RIMS1: variants seen among roughly 807,000 people sequenced by gnomAD.
The protein encoded by RIMS1 is regulating synaptic membrane exocytosis protein 1.
A neutral mutation model predicts 214.1 loss-of-function variants in RIMS1; 83 were observed. The ratio of observed to expected loss-of-function variants is 0.39; its 90% CI spans 0.32 to 0.47. RIMS1 has a LOEUF of 0.47. RIMS1 is among the 20% of genes least tolerant of loss of function. The probability of loss-of-function intolerance (pLI) is 0.99; values close to 1 mark genes in which losing one functional copy is unlikely to be tolerated. For missense variants in RIMS1, 2,050 were observed against 2,161.8 expected (o/e 0.95, Z 1.03); for synonymous variants, 793 against 786.8 (o/e 1.01, Z -0.13).
intron 2 of RIMS1, among the ~76,000 whole-genome samples, chr6:71,982,804 T>C (rs1203550899): frequency 6.6e-6 from 1 of 152,124 alleles, no homozygotes; most frequent in Non-Finnish European, 1.5e-5. Flanking sequence ...CTAGTCTAAT[T>C]CATCCCACCC....
intron 6 of RIMS1, among the ~76,000 whole-genome samples, chr6:72,189,567 GTC>G (rs1588816353): frequency 6.6e-6 from 1 of 152,216 alleles, no homozygotes; most frequent in East Asian, 1.9e-4. Context: ...GATGGAAGAG[GTC>G]GAGTGTAATC....
intron 1 of RIMS1, among the ~76,000 whole-genome samples, chr6:71,888,645 G>T (rs1366246308): frequency 6.6e-6 from 1 of 152,252 alleles, no homozygotes; most frequent in Non-Finnish European, 1.5e-5. Flanking sequence ...TCAGATAGGG[G>T]AGGGGGATAC....
chr6:72,329,021 GAAACAAAACAAAACA>G (rs531122241), intron 28 of RIMS1, among the ~76,000 whole-genome samples: 1 of 151,496 alleles, frequency 6.6e-6, no homozygotes, highest in Admixed American at 6.6e-5. Flanking sequence ...GAACCAGAAA[GAAACAAAACAAAACA>G]AAACAAAACA....
At chr6:72,188,326 T>G (rs538059880) in intron 6 of RIMS1, among the ~76,000 whole-genome samples, 1 of 152,210 alleles carries the variant, frequency 6.6e-6, no homozygotes, top group East Asian at 1.9e-4. Context: ...ATAAAGACAA[T>G]AATAAGGTAA....
chr6:72,359,913 C>G (rs1198325140), intron 29 of RIMS1, among the ~76,000 whole-genome samples: 1 of 152,068 alleles, frequency 6.6e-6, no homozygotes, highest in African/African-American at 2.4e-5. Context: ...CTTGTTTTAC[C>G]CAACTCTCTG....
intron 6 of RIMS1, among the ~76,000 whole-genome samples, chr6:72,227,425 GAGAGTT>G (rs918613179): frequency 0.024 from 3 of 126 alleles, no homozygotes; most frequent in African/African-American, 0.094. Flanking sequence ...GGGGTTCTAT[GAGAGTT>G]AGTTACCTTC....
intron 9 of RIMS1, among the ~76,000 whole-genome samples, chr6:72,241,770 A>T (rs1018922980): frequency 7.2e-5 from 11 of 152,314 alleles, no homozygotes; most frequent in African/African-American, 2.6e-4. Flanking sequence ...TGTGAATTCA[A>T]ATCCTTTCAT....
intron 31 of RIMS1, among the ~76,000 whole-genome samples, chr6:72,395,365 A>T (rs1489637311): frequency 1.3e-5 from 2 of 152,090 alleles, no homozygotes; most frequent in African/African-American, 2.4e-5. Context: ...CAATTTCAGG[A>T]CATCATCTCA....
At chr6:71,966,860 C>T (rs1794606424) in intron 1 of RIMS1, among the ~76,000 whole-genome samples, 2 of 152,208 alleles carry the variant, frequency 1.3e-5, no homozygotes, top group East Asian at 3.9e-4. Flanking sequence ...TGTTTGCTTA[C>T]AAACCTATCT....
intron 23 of RIMS1, among the ~76,000 whole-genome samples, chr6:72,280,100 T>C (rs2089299807): frequency 1.3e-5 from 2 of 151,934 alleles, no homozygotes; most frequent in Admixed American, 1.3e-4. Flanking sequence ...TAGTTAGTTC[T>C]TTTTTATTGT....
chr6:72,324,318 G>T (rs2096344770), intron 28 of RIMS1, among the ~76,000 whole-genome samples: 3 of 151,902 alleles, frequency 2.0e-5, no homozygotes, highest in African/African-American at 7.2e-5. Context: ...GTAAGTTATT[G>T]TACAGATCTT....
intron 19 of RIMS1, chr6:72,263,927 A>G (rs2079236257): frequency 2.9e-6 from 1 of 343,082 alleles, no homozygotes; most frequent in South Asian, 1.2e-4. Flanking sequence ...CAGGAGGCAG[A>G]GGTTGCAGTG....
At chr6:72,064,419 C>T (rs1326864976) in intron 2 of RIMS1, among the ~76,000 whole-genome samples, 2 of 152,006 alleles carry the variant, frequency 1.3e-5, no homozygotes, top group Admixed American at 6.5e-5. Context: ...TTTTGAGGTA[C>T]TGGGAGTTAG....
intron 6 of RIMS1, among the ~76,000 whole-genome samples, chr6:72,197,931 A>G (rs2051268342): frequency 6.6e-6 from 1 of 152,114 alleles, no homozygotes; most frequent in Admixed American, 6.6e-5. Context: ...TTTGGAGGTT[A>G]AAAAATAAAC....
intron 26 of RIMS1, among the ~76,000 whole-genome samples, chr6:72,304,671 C>T (rs1176758566): frequency 1.3e-5 from 2 of 151,678 alleles, no homozygotes; most frequent in South Asian, 2.1e-4. Context: ...GGTTTTTCAG[C>T]GATTATGAAA....
At chr6:72,131,474 C>T (rs948583341) in intron 4 of RIMS1, among the ~76,000 whole-genome samples, 10 of 152,022 alleles carry the variant, frequency 6.6e-5, no homozygotes, top group Non-Finnish European at 8.8e-5. Context: ...CGGTATGTTC[C>T]GTGATGTCCC....
chr6:72,213,076 G>GC (rs1316918062), intron 6 of RIMS1: 1 of 1,535,426 alleles, frequency 6.5e-7, no homozygotes, highest in Non-Finnish European at 8.7e-7. Context: ...GGTTTAAACA[G>GC]CAAGGCTTAA....
chr6:71,946,139 T>C (rs957926181), intron 1 of RIMS1, among the ~76,000 whole-genome samples: 1 of 152,308 alleles, frequency 6.6e-6, no homozygotes. Context: ...CACTTAAAAT[T>C]ATAAAGCATT....
At chr6:72,228,240 A>G (rs576568004) in intron 6 of RIMS1, among the ~76,000 whole-genome samples, 1 of 152,080 alleles carries the variant, frequency 6.6e-6, no homozygotes, top group East Asian at 1.9e-4. Flanking sequence ...AATTCTATAC[A>G]GTAAATCTCT....
Sources: allele counts gnomAD v4.1 joint callset (sites outside exome capture counted in the v4.1 genomes callset), GRCh38; gene constraint gnomAD v4.1.1; transcripts MANE v1.5; gene names NCBI Gene and HGNC (gene_info 2026-07-23, HGNC 2026-07-21).